CCDC194: variants seen among roughly 807,000 people sequenced by gnomAD.
The protein encoded by CCDC194 is coiled-coil domain containing 194.
In CCDC194, 8 loss-of-function variants were observed where a neutral mutation model predicts 4.9. The ratio of observed to expected loss-of-function variants is 1.65; its 90% CI spans 0.97 to 2.97. The LOEUF is 2.97. CCDC194 is among the 30% of genes most tolerant of loss of function. The pLI, the probability that CCDC194 is intolerant of heterozygous loss-of-function variation, is 0.00. For synonymous variants in CCDC194, 13 were observed against 17.0 expected (o/e 0.76, Z 0.58); for missense variants, 52 against 43.1 (o/e 1.21, Z -0.58).
intron 2 of CCDC194, 195 bp from the exon 3 acceptor site, chr19:17,391,538 G>T: frequency 8.2e-7 from 1 of 1,214,622 alleles, no homozygotes; most frequent in Non-Finnish European, 1.1e-6. Context: ...TTCGTGAGTC[G>T]TTTACAAGGA....
At chr19:17,389,031 G>A (rs1356528559), downstream of CCDC194, among the ~76,000 whole-genome samples, 1 of 152,168 alleles carries the variant, frequency 6.6e-6, no homozygotes, top group Non-Finnish European at 1.5e-5. Flanking sequence ...GTAGAGACAG[G>A]TTCTTGCTAT....
At chr19:17,392,447 TG>T (rs1277315611) in intron 1 of CCDC194, among the ~76,000 whole-genome samples, 14 of 152,278 alleles carry the variant, frequency 9.2e-5, no homozygotes, top group African/African-American at 3.4e-4. Context: ...CACTCCAGCC[TG>T]GACAAAAGAG....
At chr19:17,393,630 C>T (rs987069965) in intron 1 of CCDC194, among the ~76,000 whole-genome samples, 2 of 152,058 alleles carry the variant, frequency 1.3e-5, no homozygotes. Flanking sequence ...CTCAGGTGAT[C>T]CACCTTTCTG....
At chr19:17,391,518 T>C in intron 2 of CCDC194, 175 bp from the exon 3 acceptor site, 1 of 948,304 alleles carries the variant, frequency 1.1e-6, no homozygotes. Context: ...TTTCATAGGT[T>C]TGCATTGCTT....
chr19:17,391,295 A>C, exon 3 of CCDC194: 1 of 421,602 alleles, frequency 2.4e-6, no homozygotes, highest in East Asian at 3.6e-5. Context: ...AGCCTCGTCC[A>C]GCCGCCGCGT....
chr19:17,389,851 G>T (rs1464943099), downstream of CCDC194, among the ~76,000 whole-genome samples: 2 of 152,186 alleles, frequency 1.3e-5, no homozygotes, highest in Non-Finnish European at 2.9e-5. Context: ...TGTAATCCCA[G>T]CTACCTGGGA....
At chr19:17,392,864 T>G (rs1394182873) in intron 1 of CCDC194, among the ~76,000 whole-genome samples, 1 of 152,180 alleles carries the variant, frequency 6.6e-6, no homozygotes, top group Non-Finnish European at 1.5e-5. Flanking sequence ...GTATTTTTAG[T>G]AGAGACGGGT....
downstream of CCDC194, among the ~76,000 whole-genome samples, chr19:17,389,137 G>A (rs2074645558): frequency 6.6e-6 from 1 of 152,184 alleles, no homozygotes; most frequent in South Asian, 2.1e-4. Flanking sequence ...ACCACACCTG[G>A]CCAGCTTTGA....
At chr19:17,393,998 T>C in exon 1 of CCDC194, 2 of 392,254 alleles carry the variant, frequency 5.1e-6, no homozygotes, top group Non-Finnish European at 9.0e-6. Context: ...CGCCGTGGCA[T>C]TGGCCCCTGG....
At chr19:17,389,527 C>G (rs112724040), downstream of CCDC194, among the ~76,000 whole-genome samples, 3,954 of 152,228 alleles carry the variant, frequency 0.026, 132 homozygotes, top group African/African-American at 0.071. Flanking sequence ...AGTGGACGTC[C>G]TCACCTTGGC....
chr19:17,387,299 A>G (rs953851229), downstream of CCDC194, among the ~76,000 whole-genome samples: 6 of 152,176 alleles, frequency 3.9e-5, no homozygotes, highest in Non-Finnish European at 7.3e-5. Flanking sequence ...AGAAATGTGC[A>G]AGTATGTCCC....
chr19:17,391,705 T>C (rs1462142902), intron 2 of CCDC194, 45 bp downstream of exon 2: 1 of 1,535,658 alleles, frequency 6.5e-7, no homozygotes, highest in Non-Finnish European at 8.7e-7. Context: ...TCACCTAGGC[T>C]CCTCCCACTT....
At chr19:17,390,178 C>A (rs577116812), downstream of CCDC194, among the ~76,000 whole-genome samples, 4 of 152,234 alleles carry the variant, frequency 2.6e-5, no homozygotes, top group Admixed American at 2.6e-4. This position sits in a 1 kb window ranked among gnomAD's most constrained non-coding sequence, Gnocchi z 5.5. Context: ...GTGACCCTTT[C>A]CGGTTTTTCC....
intron 3 of CCDC194, 81 bp downstream of exon 3, chr19:17,391,130 G>T: frequency 2.6e-6 from 1 of 385,202 alleles, no homozygotes; most frequent in South Asian, 1.3e-4. Context: ...ATGATTGGCC[G>T]AAAGAATGCA....
rs551933814 is a variant in CCDC194 at position 17,393,376 on chromosome 19, CTTTTTTTTTTTTTTT to C, written c.324+444_324+458del. ...TGGCAAATAGCAAAGGACAGTGAGA[CTTTTTTTTTTTTTTT>C]TTTTTTTTTTTTTTTCAGATGGAGT... On this transcript the variant is annotated intron_variant, in intron 1 of 3. Transcript: ENST00000636079. Among the ~76,000 whole-genome samples the C allele has an allele frequency of 4.8e-3, 553 of 115,400 alleles. 2 individuals are homozygous for C. The highest frequency in any genetic ancestry group is 6.3e-3 in the Admixed American group (72 of 11,512). The allele number at this position is 115,400 out of a possible 152,430, so 75.7% of individuals were successfully genotyped here. A position where few individuals can be genotyped will look rare whatever the true frequency, so the allele number is the denominator to read the frequency against.
chr19:17,393,137 G>A (rs548245291), intron 1 of CCDC194, among the ~76,000 whole-genome samples: 1 of 152,174 alleles, frequency 6.6e-6, no homozygotes, highest in Non-Finnish European at 1.5e-5. Context: ...CTCAGGGCTG[G>A]AAAAGGTTAA....
intron 2 of CCDC194, 187 bp downstream of exon 2, chr19:17,391,563 T>C (rs2074654808): frequency 3.6e-6 from 5 of 1,388,088 alleles, no homozygotes; most frequent in Middle Eastern, 3.6e-4. Flanking sequence ...GCATGTTTTG[T>C]GGCATTTGCC....
chr19:17,391,845 C>A, exon 2 of CCDC194: 2 of 1,521,636 alleles, frequency 1.3e-6, no homozygotes. Flanking sequence ...CTGAAGCCGG[C>A]TCTGAGGAGT....
At chr19:17,391,438 C>T in intron 2 of CCDC194, 95 bp from the exon 3 acceptor site, 1 of 528,900 alleles carries the variant, frequency 1.9e-6, no homozygotes, top group Non-Finnish European at 3.3e-6. Flanking sequence ...ATGCCGTTTG[C>T]ACGCTTTCCT....
Sources: gnomAD v4.1 joint callset for allele counts (sites outside exome capture counted in the v4.1 genomes callset) on GRCh38, gnomAD v4.1.1 for gene constraint, Gnocchi (gnomAD v3.1) non-coding constraint, MANE v1.5 for transcripts, NCBI Gene and HGNC (gene_info 2026-07-23, HGNC 2026-07-21) for gene names.